The following ZNF521 variants were observed in gnomAD, a reference collection of about 807,000 sequenced individuals.
ZNF521 encodes zinc finger protein 521, also known as LYST-interacting protein 3.
ZNF521 carries 14 observed loss-of-function variants against 105.5 expected under a neutral mutation model. The observed-to-expected ratio is 0.13, with a 90% confidence interval of 0.09 to 0.21. The LOEUF is 0.21. ZNF521 is among the 10% of genes least tolerant of loss of function. The probability of loss-of-function intolerance (pLI) is 1.00; values close to 1 mark genes in which losing one functional copy is unlikely to be tolerated. For synonymous variants in ZNF521, 635 were observed against 606.0 expected (o/e 1.05, Z -0.70); for missense variants, 1,233 against 1,629.7 (o/e 0.76, Z 4.19).
At chr18:25,349,403 C>T (rs1914603326) in intron 2 of ZNF521, among the ~76,000 whole-genome samples, 1 of 152,220 alleles carries the variant, frequency 6.6e-6, no homozygotes. Flanking sequence ...ACGGAAACCA[C>T]CAGACACACT....
rs763216128 is a variant in ZNF521, at chr18:25,224,757, G to T, written c.3161C>A (p.Thr1054Asn). 5.3e-5 allele frequency: 85 copies of T among 1,613,898 alleles called. No individual in the cohort carries two copies. The highest frequency in any genetic ancestry group is 5.8e-5 in the Non-Finnish European group (69 of 1,180,022). ...QKTGNGSAVQ[T>N]TGRGQHVQKL... ...TTGGACGTGCTGGCCCCGCCCTGTGGTCTGAACTGCAGACCCATTCCCTGT... is the reference window on the plus strand; with the variant it reads ...TTGGACGTGCTGGCCCCGCCCTGTGTTCTGAACTGCAGACCCATTCCCTGT... Residue 1054 changes from threonine to asparagine, a missense_variant, in exon 4 of 8, where the codon ACC becomes AAC. Thr to Asn is a moderately conservative substitution (Grantham distance 65, BLOSUM62 0). Around this residue, in one of 6 missense-constraint regions of ZNF521, gnomAD observed 614 missense variants for 751.5 expected, o/e 0.82. Coordinates refer to ENST00000361524, the MANE Select transcript of ZNF521 (RefSeq NM_015461.3).
chr18:25,294,833 G>A (rs1478802691), intron 3 of ZNF521, among the ~76,000 whole-genome samples: 4 of 110,730 alleles, frequency 3.6e-5, no homozygotes, highest in African/African-American at 7.2e-5. Flanking sequence ...CCAGCCTGGC[G>A]ACAGAGCAAG....
At chr18:25,169,798 A>C (rs913261882) in intron 5 of ZNF521, among the ~76,000 whole-genome samples, 1 of 152,182 alleles carries the variant, frequency 6.6e-6, no homozygotes, top group Non-Finnish European at 1.5e-5. Flanking sequence ...GCAGTTTAGA[A>C]AAACAGAGTA....
At chr18:25,285,393 G>A (rs1487236578) in intron 3 of ZNF521, among the ~76,000 whole-genome samples, 1 of 152,188 alleles carries the variant, frequency 6.6e-6, no homozygotes, top group South Asian at 2.1e-4. Context: ...CTAAGCCCTG[G>A]CAGGAGCCTT....
intron 3 of ZNF521, among the ~76,000 whole-genome samples, chr18:25,281,503 AAT>A (rs934629690): frequency 1.8e-4 from 27 of 152,220 alleles, no homozygotes; most frequent in African/African-American, 6.5e-4. Flanking sequence ...AAAGTTTAAG[AAT>A]GACTTACTCT....
chr18:25,237,039 T>C (rs1199851369), intron 3 of ZNF521, among the ~76,000 whole-genome samples: 1 of 152,214 alleles, frequency 6.6e-6, no homozygotes, highest in Non-Finnish European at 1.5e-5. Flanking sequence ...TTTGGTTTGA[T>C]TTTTCTCTTC....
Position 25,313,140 on chromosome 18 carries a change from C to T in ZNF521, c.220+8868G>A, listed in dbSNP as rs572540605. ...GCCATCCAGGTACTAACCAGACCTT[C>T]CTGAGAGCAAGGAGATAAACAGTAC... On this transcript the variant is annotated intron_variant, in intron 3 of 7. Coordinates refer to ENST00000361524, the MANE Select transcript of ZNF521 (RefSeq NM_015461.3). 2.0e-5 allele frequency among the ~76,000 whole-genome samples: 3 copies of T among 152,296 alleles called. No individual in the cohort carries two copies. The East Asian group carries it at 5.8e-4, about 29-fold the overall frequency.
intron 3 of ZNF521, among the ~76,000 whole-genome samples, chr18:25,273,144 T>C (rs1362222177): frequency 7.3e-6 from 1 of 137,360 alleles, no homozygotes; most frequent in Admixed American, 8.3e-5. Context: ...GGAGAATCAC[T>C]TGAGCCCAGG....
intron 3 of ZNF521, among the ~76,000 whole-genome samples, chr18:25,255,999 A>ATATATATGATATATATATGG (rs1568038197): frequency 6.9e-6 from 1 of 145,724 alleles, no homozygotes; most frequent in African/African-American, 2.6e-5. Context: ...TATATATGGT[A>ATATATATGATATATATATGG]TATATATATG....
intron 5 of ZNF521, among the ~76,000 whole-genome samples, chr18:25,176,961 G>A (rs1336879809): frequency 6.6e-6 from 1 of 152,216 alleles, no homozygotes; most frequent in Non-Finnish European, 1.5e-5. Context: ...TGTGACCTGA[G>A]CACTTACCAG....
chr18:25,238,261 ATT>A (rs1012790769), intron 3 of ZNF521, among the ~76,000 whole-genome samples: 2 of 152,234 alleles, frequency 1.3e-5, no homozygotes, highest in African/African-American at 4.8e-5. Flanking sequence ...AAAAAAATTC[ATT>A]GTTTTTCATA....
intron 5 of ZNF521, among the ~76,000 whole-genome samples, chr18:25,111,294 C>G (rs1426255999): frequency 3.3e-5 from 5 of 152,140 alleles, no homozygotes; most frequent in Non-Finnish European, 4.4e-5. Context: ...CTGCATTCCA[C>G]TTGTCCCACA....
At chr18:25,217,320 T>C (rs1436793101) in intron 4 of ZNF521, among the ~76,000 whole-genome samples, 1 of 152,170 alleles carries the variant, frequency 6.6e-6, no homozygotes, top group Non-Finnish European at 1.5e-5. Context: ...TTTGAAGGTA[T>C]ACAGAAGTGG....
chr18:25,117,708 T>A (rs1315423432), intron 5 of ZNF521, among the ~76,000 whole-genome samples: 1 of 151,866 alleles, frequency 6.6e-6, no homozygotes, highest in Non-Finnish European at 1.5e-5. Context: ...AATGTGAAAA[T>A]AGACTAATAG....
At chr18:25,251,769 A>G (rs1378092265) in intron 3 of ZNF521, among the ~76,000 whole-genome samples, 2 of 152,192 alleles carry the variant, frequency 1.3e-5, no homozygotes, top group Non-Finnish European at 2.9e-5. Flanking sequence ...GTGAACAGCT[A>G]AATATTTTGA....
chr18:25,275,999 A>C (rs536386948), intron 3 of ZNF521, among the ~76,000 whole-genome samples: 1 of 152,240 alleles, frequency 6.6e-6, no homozygotes, highest in South Asian at 2.1e-4. Context: ...CACCATGTGC[A>C]AAAAGAGCTT....
intron 5 of ZNF521, among the ~76,000 whole-genome samples, chr18:25,180,746 A>G (rs1190456094): frequency 6.6e-6 from 1 of 152,112 alleles, no homozygotes; most frequent in Non-Finnish European, 1.5e-5. Flanking sequence ...TTCCAGCCCA[A>G]AACGATTGAG....
chr18:25,256,567 G>A (rs1908519619), intron 3 of ZNF521, among the ~76,000 whole-genome samples: 1 of 152,062 alleles, frequency 6.6e-6, no homozygotes, highest in African/African-American at 2.4e-5. Context: ...CATTTCAGAT[G>A]GGTTTGTGAC....
At position 25,226,958 on chromosome 18, in the gene ZNF521, G is replaced by A; in HGVS notation, c.960C>T (p.His320=). Residue 320 remains histidine, a synonymous_variant, in exon 4 of 8, where the codon CAC becomes CAT. Coordinates refer to ENST00000361524, the MANE Select transcript of ZNF521 (RefSeq NM_015461.3). This position sits in a 1 kb window ranked among gnomAD's most constrained non-coding sequence, Gnocchi z 4.1. Reference sequence around the variant, plus strand: ...TGTGGCTGTACAGTTCCTCAACTGTGTGGAAACTCTCAGAACAAATGCTGC... The same window carrying A: ...TGTGGCTGTACAGTTCCTCAACTGTATGGAAACTCTCAGAACAAATGCTGC... ...NSCSICSESF[H]TVEELYSHMD... is the part of the protein sequence containing the mutation. 1 of 1,614,020 alleles carries A rather than the reference G, an allele frequency of 6.2e-7. No individual in the cohort carries two copies. The highest frequency in any genetic ancestry group is 8.5e-7 in the Non-Finnish European group (1 of 1,180,004).
Sources: allele counts gnomAD v4.1 joint callset (sites outside exome capture counted in the v4.1 genomes callset), GRCh38; gene constraint gnomAD v4.1.1; regional missense constraint gnomAD v4.1.1; non-coding constraint Gnocchi (gnomAD v3.1); transcripts MANE v1.5; gene names NCBI Gene and HGNC (gene_info 2026-07-23, HGNC 2026-07-21).